Variants in ALDH6A1 observed in about 807,000 individuals in gnomAD.
The protein encoded by ALDH6A1 is methylmalonate-semialdehyde/malonate-semialdehyde dehydrogenase [acylating], mitochondrial.
Under a neutral mutation model 62.6 loss-of-function variants are expected in ALDH6A1, and 43 were observed. That is an observed-to-expected ratio of 0.69 (90% CI 0.54 to 0.89). The LOEUF (loss-of-function observed/expected upper bound fraction) is 0.89. ALDH6A1 is among the 40% of genes least tolerant of loss of function. The probability of loss-of-function intolerance (pLI) is 0.00; values close to 1 mark genes in which losing one functional copy is unlikely to be tolerated. For synonymous variants in ALDH6A1, 194 were observed against 234.2 expected (o/e 0.83, Z 1.57); for missense variants, 551 against 661.3 (o/e 0.83, Z 1.83).
chr14:74,078,276 G>A (rs761787368), intron 1 of ALDH6A1: 52 of 455,654 alleles, frequency 1.1e-4, no homozygotes, highest in African/African-American at 9.4e-4. Flanking sequence ...TAATGGAGAA[G>A]GTAGCCAGCA....
intron 2 of ALDH6A1, among the ~76,000 whole-genome samples, chr14:74,073,476 A>G (rs1330085202): frequency 6.6e-6 from 1 of 152,306 alleles, no homozygotes; most frequent in Admixed American, 6.5e-5. Flanking sequence ...ATTCCCTGCT[A>G]TTCACACAGT....
rs781767219 is a variant in ALDH6A1 at position 74,066,773 on chromosome 14, G to T, written c.1156C>A (p.Arg386=). The change falls in exon 9 of 12, where the codon CGA becomes AGA. Residue 386 remains arginine (R), a synonymous_variant. Transcript: ENST00000553458. Reference sequence around the variant, plus strand: ...TCATAGCCTTTCACTTTAATTTTTCGTCCATCAAGAAGGATGGAAGCTCCC... The same window carrying T: ...TCATAGCCTTTCACTTTAATTTTTCTTCCATCAAGAAGGATGGAAGCTCCC... ...KEGASILLDG[R]KIKVKGYENG... is the part of the protein sequence containing the mutation. 6.2e-7 allele frequency: 1 copy of T among 1,613,552 alleles called. No homozygotes were observed. The highest frequency in any genetic ancestry group is 1.7e-5 in the Admixed American group (1 of 59,908).
chr14:74,068,035 A>G (rs1397741897), intron 7 of ALDH6A1, among the ~76,000 whole-genome samples: 2 of 151,608 alleles, frequency 1.3e-5, no homozygotes, highest in African/African-American at 4.8e-5. Flanking sequence ...CCTTACAGCA[A>G]TAATGCCAGT....
At position 74,059,882 on chromosome 14, in the gene ALDH6A1, A is replaced by G. The variant is rs1162111530; in HGVS notation, c.*760T>C. ...GAGCAGTGACAATGATAGAATTAAT[A>G]GTGGTCATGAATTACTAGGAAACAA... On this transcript the variant is annotated 3_prime_UTR_variant, in exon 12 of 12. Coordinates refer to ENST00000553458, the MANE Select transcript of ALDH6A1 (RefSeq NM_005589.4). The G allele has an allele frequency of 2.0e-5, 3 of 153,740 alleles. No homozygotes were observed. Among genetic ancestry groups the G allele is most frequent in the African/African-American group, 7.2e-5 (3 of 41,472 alleles). 9.5% of individuals were successfully genotyped at this position (153,740 alleles called of 1,614,324 possible). A position where few individuals can be genotyped will look rare whatever the true frequency, so the allele number is the denominator to read the frequency against.
chr14:74,063,056 TA>T (rs1293826548), intron 11 of ALDH6A1, among the ~76,000 whole-genome samples: 3 of 152,206 alleles, frequency 2.0e-5, no homozygotes, highest in African/African-American at 7.2e-5. Context: ...CCTGCCTCTC[TA>T]ACTTCATTTC....
chr14:74,069,973 G>A (rs930441656), intron 6 of ALDH6A1, among the ~76,000 whole-genome samples: 1 of 151,154 alleles, frequency 6.6e-6, no homozygotes, highest in Admixed American at 6.6e-5. Flanking sequence ...CACCTCATGG[G>A]ACTACCTGCA....
Position 74,084,080 on chromosome 14 carries a change from GAGA to G in ALDH6A1, c.48+264_48+266del, listed in dbSNP as rs748371736. ...TGACAGCAGGGAGCGGGCAGAGCTG[GAGA>G]AGGAGAGTGGGCGAGAGCCAGAAAA... On this transcript the variant is annotated intron_variant, in intron 1 of 11. Coordinates refer to ENST00000553458, the MANE Select transcript of ALDH6A1 (RefSeq NM_005589.4). Among the ~76,000 whole-genome samples the G allele has an allele frequency of 4.6e-5, 7 of 152,300 alleles. No individual in the cohort carries two copies. In the South Asian group the frequency reaches 6.2e-4, roughly 14 times the overall value.
chr14:74,067,294 T>C (rs2139774189), intron 8 of ALDH6A1, 86 bp downstream of exon 8: 1 of 1,448,182 alleles, frequency 6.9e-7, no homozygotes, highest in East Asian at 2.3e-5. Context: ...ACATGATTGT[T>C]CCCACTGGCC....
rs773222283 is a variant in ALDH6A1 at position 74,084,367 on chromosome 14, C to A, written c.28G>T (p.Val10Leu). 1.2e-6 allele frequency: 2 copies of A among 1,613,026 alleles called. No homozygotes were observed. Among genetic ancestry groups the A allele is most frequent in the South Asian group, 2.2e-5 (2 of 91,060 alleles). Residue 10 changes from valine (V) to leucine (L), a missense_variant, in exon 1 of 12, where the codon GTG becomes TTG. Val to Leu is a conservative substitution (Grantham distance 32). Transcript: ENST00000553458. ...CTCGCCTGCAGGATCCGGGCTCGCACTGCCGCCGCCGCCAATAGCGCCGCC... is the reference window on the plus strand; with the variant it reads ...CTCGCCTGCAGGATCCGGGCTCGCAATGCCGCCGCCGCCAATAGCGCCGCC... MAALLAAAA[V>L]RARILQVSSK...
In ALDH6A1 at chr14:74,071,192, T is replaced by TA. The variant is rs1454061475; in HGVS notation, c.730+2dup. 1.2e-6 allele frequency: 2 copies of TA among 1,613,852 alleles called. No homozygotes were observed. Among genetic ancestry groups the TA allele is most frequent in the Non-Finnish European group, 1.7e-6 (2 of 1,179,746 alleles). ...AAGTAGCCATATGCATAAGGGCAGTTACCTTCATGCTGTCCATGGATGATG... is the reference window on the plus strand; with the variant it reads ...AAGTAGCCATATGCATAAGGGCAGTTAACCTTCATGCTGTCCATGGATGATG... On this transcript the variant is annotated splice_region_variant and intron_variant, in intron 6 of 11. Coordinates refer to ENST00000553458, the MANE Select transcript of ALDH6A1 (RefSeq NM_005589.4).
chr14:74,074,487 A>C (rs2060590144), intron 2 of ALDH6A1, among the ~76,000 whole-genome samples: 1 of 148,676 alleles, frequency 6.7e-6, no homozygotes, highest in African/African-American at 2.5e-5. Flanking sequence ...TGGTTTCCCC[A>C]TGTTGGCCAG....
intron 7 of ALDH6A1, among the ~76,000 whole-genome samples, chr14:74,068,022 C>T (rs539820519): frequency 6.9e-6 from 1 of 144,176 alleles, no homozygotes; most frequent in South Asian, 2.2e-4. Context: ...AAAGAACTTA[C>T]AGCCTTACAG....
chr14:74,065,497 C>A, intron 9 of ALDH6A1, 137 bp from the exon 10 acceptor site: 2 of 843,196 alleles, frequency 2.4e-6, no homozygotes, highest in Admixed American at 4.6e-5. Flanking sequence ...CATTTCAAAT[C>A]ACCTATTTAA....
In ALDH6A1 at chr14:74,062,053, A is replaced by G. The variant is rs1284739254; in HGVS notation, c.1504-1307T>C. 9.7e-3 allele frequency among the ~76,000 whole-genome samples: 867 copies of G among 89,168 alleles called. 36 individuals are homozygous for G. The highest frequency in any genetic ancestry group is 0.046 in the African/African-American group (745 of 16,200). The allele number at this position is 89,168 out of a possible 152,430, so 58.5% of individuals were successfully genotyped here. A position where few individuals can be genotyped will look rare whatever the true frequency, so the allele number is the denominator to read the frequency against. ...TGGCGAAACCTCGTCTCTACTGGGAAAAAAAAAAAAAAAAAAAAAAAAAAA... is the reference window on the plus strand; with the variant it reads ...TGGCGAAACCTCGTCTCTACTGGGAGAAAAAAAAAAAAAAAAAAAAAAAAA... On this transcript the variant is annotated intron_variant, in intron 11 of 11. Transcript: ENST00000553458.
Position 74,060,687 on chromosome 14 carries a change from AG to A in ALDH6A1, c.1562del (p.Ala521ValfsTer21). 1 of 1,614,070 alleles carries A rather than the reference AG, an allele frequency of 6.2e-7. No individual in the cohort carries two copies. Among genetic ancestry groups the A allele is most frequent in the Non-Finnish European group, 8.5e-7 (1 of 1,179,926 alleles). On this transcript the variant is annotated frameshift_variant, in exon 12 of 12. Transcript: ENST00000553458. LOFTEE classifies it high-confidence loss of function. ...TITSQWKEED[A>X]TLSSPAVVMP... ...TGACAACAGCAGGTGAGGAAAGAGTAGCATCTTCTTCTTTCCACTGAGAAGT... is the reference window on the plus strand; with the variant it reads ...TGACAACAGCAGGTGAGGAAAGAGTACATCTTCTTCTTTCCACTGAGAAGT...
chr14:74,060,806 A>G, intron 11 of ALDH6A1, 60 bp from the exon 12 acceptor site: 3 of 1,263,714 alleles, frequency 2.4e-6, no homozygotes. Flanking sequence ...TCTTCTTTTA[A>G]TTAGCTTTTG....
Position 74,057,015 on chromosome 14 carries a change from C to G in ALDH6A1, c.*3627G>C, listed in dbSNP as rs755369881. On this transcript the variant is annotated 3_prime_UTR_variant, in exon 12 of 12. Transcript: ENST00000553458. ...CTCTTGCTTAAGTAATAAACATGAG[C>G]CCAACACGATGGTTCTTGTGGGCAT... 6.3e-7 allele frequency: 1 copy of G among 1,590,148 alleles called. No homozygotes were observed. Among genetic ancestry groups the G allele is most frequent in the South Asian group, 1.1e-5 (1 of 89,950 alleles).
intron 7 of ALDH6A1, among the ~76,000 whole-genome samples, chr14:74,067,997 T>TA (rs35503985): frequency 0.14 from 18,313 of 132,912 alleles, 1,396 homozygotes; most frequent in Admixed American, 0.21. Flanking sequence ...AGAGCAATGT[T>TA]AAAAAAAAAA....
At chr14:74,079,599 G>GT (rs911805497) in intron 1 of ALDH6A1, among the ~76,000 whole-genome samples, 1 of 151,528 alleles carries the variant, frequency 6.6e-6, no homozygotes, top group African/African-American at 2.4e-5. Flanking sequence ...TGCCTGGCTA[G>GT]TTTTTTGTAT....
Sources: allele counts gnomAD v4.1 joint callset (sites outside exome capture counted in the v4.1 genomes callset), GRCh38; gene constraint gnomAD v4.1.1; transcripts MANE v1.5; gene names NCBI Gene and HGNC (gene_info 2026-07-23, HGNC 2026-07-21).